ABCA10: variants seen among roughly 807,000 people sequenced by gnomAD.
ABCA10 encodes the protein ATP binding cassette subfamily A member 10, also known as ATP-binding cassette sub-family A member 10.
ABCA10 carries 169 observed loss-of-function variants against 187.5 expected under a neutral mutation model. The observed-to-expected ratio is 0.90, with a 90% CI of 0.80 to 1.02. ABCA10 has a LOEUF of 1.02. Ranked by LOEUF, ABCA10 falls within the 50% of genes least tolerant of loss-of-function variation. The pLI is 0.00. For missense variants in ABCA10, 1,727 were observed against 1,812.4 expected, an observed-to-expected ratio of 0.95 and a Z score of 0.86; for synonymous variants, 574 against 601.8, an observed-to-expected ratio of 0.95 and a Z score of 0.68.
At chr17:69,177,973 A>ATATATATATATATATATATT (rs68149070) in intron 22 of ABCA10, among the ~76,000 whole-genome samples, 1 of 49,980 alleles carries the variant, frequency 2.0e-5, no homozygotes, top group African/African-American at 6.1e-5. Flanking sequence ...AAAAAAAAAA[A>ATATATATATATATATATATT]ATATATATAT....
chr17:69,219,251 A>T (rs2074727704), intron 6 of ABCA10, among the ~76,000 whole-genome samples: 1 of 152,194 alleles, frequency 6.6e-6, no homozygotes, highest in South Asian at 2.1e-4. Context: ...CCCATACTGC[A>T]GACAAATGAG....
intron 22 of ABCA10, among the ~76,000 whole-genome samples, chr17:69,181,046 T>C (rs2074376707): frequency 6.6e-6 from 1 of 152,060 alleles, no homozygotes; most frequent in Non-Finnish European, 1.5e-5. Context: ...GAATTTTAAA[T>C]GACAAAGAAC....
intron 9 of ABCA10, among the ~76,000 whole-genome samples, chr17:69,203,835 T>C (rs2074568214): frequency 1.3e-5 from 2 of 152,290 alleles, no homozygotes; most frequent in South Asian, 2.1e-4. Flanking sequence ...GCTATAACCA[T>C]CACTGCAAAA....
Position 69,185,894 on chromosome 17 carries a change from C to T in ABCA10, c.2331-251G>A, listed in dbSNP as rs192521955. Among the ~76,000 whole-genome samples, 10 of 152,238 alleles carry T rather than the reference C, an allele frequency of 6.6e-5. No individual in the cohort carries two copies. The East Asian group carries it at 1.2e-3, about 18-fold the overall frequency. On this transcript the variant is annotated intron_variant, in intron 19 of 38. Coordinates refer to ENST00000690296, the MANE Select transcript of ABCA10 (RefSeq NM_001377321.1). ...AAAGGTGGAATCCAGGGGCAATCCT[C>T]TGCAGGTATGCTGGTTTACCAGGAA...
chr17:69,162,842 T>TACATATACATATACATATACATATACAC (rs377270606), intron 27 of ABCA10, among the ~76,000 whole-genome samples: 1 of 147,346 alleles, frequency 6.8e-6, no homozygotes, highest in Admixed American at 6.9e-5. Flanking sequence ...CATATACATA[T>TACATATACATATACATATACATATACAC]ATATATATAT....
chr17:69,217,063 T>A (rs2074711717), intron 6 of ABCA10, among the ~76,000 whole-genome samples: 1 of 151,930 alleles, frequency 6.6e-6, no homozygotes, highest in South Asian at 2.1e-4. Flanking sequence ...CTGGCCAACA[T>A]AGTAAAACCC....
chr17:69,167,070 T>C (rs1046684128), intron 25 of ABCA10, among the ~76,000 whole-genome samples: 2 of 152,194 alleles, frequency 1.3e-5, no homozygotes, highest in South Asian at 2.1e-4. Flanking sequence ...GAACCCTTTT[T>C]CTGGATTAGT....
intron 18 of ABCA10, among the ~76,000 whole-genome samples, chr17:69,189,620 T>G (rs2074445638): frequency 6.6e-6 from 1 of 152,172 alleles, no homozygotes; most frequent in African/African-American, 2.4e-5. Flanking sequence ...GAATGGTATT[T>G]TGTAGGTTTT....
At chr17:69,156,802 T>C (rs1238194000) in intron 28 of ABCA10, 30 bp downstream of exon 28, 2 of 1,270,042 alleles carry the variant, frequency 1.6e-6, no homozygotes, top group Non-Finnish European at 2.1e-6. Context: ...ATTTAGATTA[T>C]ATTCAGATCT....
chr17:69,227,307 A>T (rs1446638813), intron 1 of ABCA10, 22 bp from the exon 2 acceptor site: 1 of 152,062 alleles, frequency 6.6e-6, no homozygotes, highest in Admixed American at 6.6e-5. Flanking sequence ...AAGAAAAAAA[A>T]AAAGTTCAGT....
chr17:69,213,730 G>A (rs76605871), intron 9 of ABCA10, among the ~76,000 whole-genome samples: 10,678 of 152,170 alleles, frequency 0.07, 504 homozygotes, highest in Admixed American at 0.15. Context: ...TTGCTTCTGC[G>A]CTAGTACCTA....
At chr17:69,174,165 AAAAC>A (rs1174028343) in intron 25 of ABCA10, 112 bp downstream of exon 25, 31 of 660,536 alleles carry the variant, frequency 4.7e-5, no homozygotes, top group Admixed American at 7.3e-5. Context: ...GTACAAAAGA[AAAAC>A]AAACAAAAAA....
At chr17:69,189,431 G>A (rs1171897011) in intron 18 of ABCA10, among the ~76,000 whole-genome samples, 5 of 151,908 alleles carry the variant, frequency 3.3e-5, no homozygotes, top group Admixed American at 6.6e-5. Context: ...TACCTTTGTT[G>A]GGTGCATAGT....
At chr17:69,222,781 A>G in intron 3 of ABCA10, 84 bp from the exon 4 acceptor site, 3 of 1,257,390 alleles carry the variant, frequency 2.4e-6, no homozygotes, top group Non-Finnish European at 3.2e-6. Flanking sequence ...TGCTTGTTTT[A>G]TATAAAATTA....
intron 25 of ABCA10, among the ~76,000 whole-genome samples, chr17:69,170,253 A>T (rs1283402964): frequency 6.7e-6 from 1 of 150,140 alleles, no homozygotes; most frequent in African/African-American, 2.5e-5. Flanking sequence ...GCCCCACTGC[A>T]CTCCAGCCTG....
intron 8 of ABCA10, 34 bp from the exon 9 acceptor site, chr17:69,214,885 G>A (rs2074691678): frequency 7.0e-7 from 1 of 1,426,692 alleles, no homozygotes; most frequent in Non-Finnish European, 9.3e-7. Flanking sequence ...AATGTTAGAT[G>A]AACTTATAAA....
chr17:69,155,650 G>A (rs2074167923), intron 29 of ABCA10, among the ~76,000 whole-genome samples, 155 bp downstream of exon 29: 1 of 152,164 alleles, frequency 6.6e-6, no homozygotes, highest in Non-Finnish European at 1.5e-5. Context: ...TGAGGACAGG[G>A]TAGTTACTTT....
At chr17:69,209,040 C>G (rs1352530687) in intron 9 of ABCA10, among the ~76,000 whole-genome samples, 1 of 152,040 alleles carries the variant, frequency 6.6e-6, no homozygotes, top group Non-Finnish European at 1.5e-5. Context: ...ACCCTATCTT[C>G]AAAACAAATA....
intron 2 of ABCA10, among the ~76,000 whole-genome samples, chr17:69,225,873 T>C (rs1418050591): frequency 6.6e-6 from 1 of 152,068 alleles, no homozygotes; most frequent in African/African-American, 2.4e-5. Flanking sequence ...TTAACCAGAA[T>C]TGGATCCTGC....
Sources: gnomAD v4.1 joint callset for allele counts (sites outside exome capture counted in the v4.1 genomes callset) on GRCh38, gnomAD v4.1.1 for gene constraint, MANE v1.5 for transcripts, NCBI Gene and HGNC (gene_info 2026-07-23, HGNC 2026-07-21) for gene names.